DPP6: variants seen among roughly 807,000 people sequenced by gnomAD.
The protein encoded by DPP6 is A-type potassium channel modulatory protein DPP6.
A neutral mutation model predicts 122.6 loss-of-function variants in DPP6; 69 were observed. The ratio of observed to expected loss-of-function variants is 0.56; its 90% CI spans 0.46 to 0.69. The LOEUF (loss-of-function observed/expected upper bound fraction) is 0.69, where lower values mean the gene tolerates loss of function less well. Among genes scored for constraint, DPP6 ranks in the 30% least tolerant of loss-of-function variants. The pLI is 0.00. For synonymous variants in DPP6, 418 were observed against 433.1 expected (o/e 0.97, Z 0.43); for missense variants, 928 against 1,116.9 (o/e 0.83, Z 2.41).
At chr7:154,207,804 A>T (rs1353259289) in intron 1 of DPP6, among the ~76,000 whole-genome samples, 3 of 152,182 alleles carry the variant, frequency 2.0e-5, no homozygotes, top group African/African-American at 7.2e-5. Context: ...AATTTTTTTA[A>T]CGTAGCCGGA....
chr7:153,847,001 A>C, the DPP6 span, among the ~76,000 whole-genome samples: 17 of 152,040 alleles, frequency 1.1e-4, 1 homozygote, highest in Admixed American at 9.8e-4. Flanking sequence ...CTTTTTTAAA[A>C]ATATTTTTTC....
chr7:154,299,654 C>T (rs1209479784), intron 1 of DPP6, among the ~76,000 whole-genome samples: 2 of 152,158 alleles, frequency 1.3e-5, no homozygotes, highest in African/African-American at 4.8e-5. Context: ...TTGCAGATGG[C>T]AAAGACTTAC....
chr7:154,444,446 G>GA (rs201228325), intron 1 of DPP6, among the ~76,000 whole-genome samples: 2 of 151,888 alleles, frequency 1.3e-5, no homozygotes, highest in East Asian at 3.9e-4. Context: ...GCCTGGGCTG[G>GA]AAAAAAATAA....
chr7:154,105,716 C>T (rs1347961010), intron 1 of DPP6, among the ~76,000 whole-genome samples: 3 of 152,082 alleles, frequency 2.0e-5, no homozygotes, highest in Admixed American at 2.0e-4. Context: ...AGGGGAGTTC[C>T]CCTGCACTTG....
intron 1 of DPP6, among the ~76,000 whole-genome samples, chr7:154,061,582 C>T (rs1373717309): frequency 2.7e-5 from 4 of 146,222 alleles, no homozygotes; most frequent in Non-Finnish European, 6.1e-5. Flanking sequence ...GAGATCCATC[C>T]CCTCTTCCCC....
the DPP6 span, among the ~76,000 whole-genome samples, chr7:153,776,468 T>C: frequency 6.6e-6 from 1 of 152,180 alleles, no homozygotes; most frequent in Non-Finnish European, 1.5e-5. Context: ...TCCACCGTGA[T>C]TGTAAGTTTC....
the DPP6 span, among the ~76,000 whole-genome samples, chr7:153,800,708 G>A: frequency 1.3e-5 from 2 of 151,906 alleles, no homozygotes; most frequent in African/African-American, 4.8e-5. Context: ...GTAGAGACGG[G>A]GTTTCGCCAT....
intron 2 of DPP6, among the ~76,000 whole-genome samples, chr7:154,472,187 C>T (rs1209121090): frequency 1.3e-5 from 2 of 152,184 alleles, no homozygotes; most frequent in Non-Finnish European, 2.9e-5. Context: ...GAAAATATTA[C>T]TGACTGTTAA....
chr7:153,748,237 T>C, the DPP6 span, among the ~76,000 whole-genome samples: 1 of 151,966 alleles, frequency 6.6e-6, no homozygotes, highest in Non-Finnish European at 1.5e-5. Flanking sequence ...CTTTCGCCTG[T>C]GCAGTGGTTC....
At chr7:154,588,077 C>T in intron 5 of DPP6, 2 of 1,603,702 alleles carry the variant, frequency 1.2e-6, no homozygotes, top group Non-Finnish European at 1.7e-6. Flanking sequence ...CAGAGAGCAA[C>T]CGAGTGAGCC....
rs1025621160 is a variant in DPP6, at chr7:154,053,171, C to G, written c.243+108C>G. The G allele has an allele frequency of 1.5e-5, 13 of 891,698 alleles. 1 individual carries two copies. Among genetic ancestry groups the G allele is most frequent in the Admixed American group, 6.2e-5 (1 of 16,118 alleles). 55.2% of individuals were successfully genotyped at this position (891,698 alleles called of 1,614,324 possible). ...TTTTGGGGGGGGAATCAGGCGCCCT[C>G]CCCCCGCCCACGACTCTCCGGGCGC... On this transcript the variant is annotated intron_variant, in intron 1 of 25. Coordinates refer to ENST00000377770, the MANE Select transcript of DPP6 (RefSeq NM_130797.4).
intron 1 of DPP6, among the ~76,000 whole-genome samples, chr7:154,225,032 C>T (rs1470857377): frequency 2.0e-5 from 3 of 152,068 alleles, no homozygotes; most frequent in African/African-American, 4.8e-5. Context: ...ATTTCAGCTA[C>T]GCAGGAGGCT....
At chr7:154,645,156 A>G (rs4960665) in intron 6 of DPP6, among the ~76,000 whole-genome samples, 149,602 of 150,474 alleles carry the variant, frequency 0.99, 74,374 homozygotes, top group East Asian at 1. Flanking sequence ...TCCGCCTCCC[A>G]GGTTCACACC....
At chr7:154,883,496 TCAGA>T (rs1227522763) in intron 21 of DPP6, 3 of 118,368 alleles carry the variant, frequency 2.5e-5, no homozygotes, top group East Asian at 5.5e-4. Context: ...TCACACATGC[TCAGA>T]CACATGCTCA....
At chr7:154,351,870 C>T (rs1810886612) in intron 1 of DPP6, among the ~76,000 whole-genome samples, 1 of 152,140 alleles carries the variant, frequency 6.6e-6, no homozygotes, top group Non-Finnish European at 1.5e-5. Flanking sequence ...TGCATGGCAC[C>T]TCTGCTCCCC....
the DPP6 span, among the ~76,000 whole-genome samples, chr7:153,754,518 G>A: frequency 6.6e-6 from 1 of 152,040 alleles, no homozygotes; most frequent in Admixed American, 6.6e-5. Flanking sequence ...ATGTGCCTAG[G>A]CATGATTTTC....
chr7:154,085,311 C>A (rs1354682822), intron 1 of DPP6, among the ~76,000 whole-genome samples: 3 of 152,150 alleles, frequency 2.0e-5, no homozygotes, highest in African/African-American at 4.8e-5. Flanking sequence ...TCCGGACATT[C>A]TGCAGTAATA....
At chr7:153,856,534 C>A in the DPP6 span, among the ~76,000 whole-genome samples, 1 of 152,152 alleles carries the variant, frequency 6.6e-6, no homozygotes, top group African/African-American at 2.4e-5. Context: ...GGGGTATTGG[C>A]TATGATCAAG....
intron 2 of DPP6, among the ~76,000 whole-genome samples, chr7:154,470,850 C>T (rs1822202076): frequency 1.3e-5 from 2 of 152,196 alleles, no homozygotes; most frequent in Non-Finnish European, 2.9e-5. Flanking sequence ...CTTCTTGCAT[C>T]GCCACCTTTA....
Sources: allele counts gnomAD v4.1 joint callset (sites outside exome capture counted in the v4.1 genomes callset), GRCh38; gene constraint gnomAD v4.1.1; transcripts MANE v1.5; gene names NCBI Gene and HGNC (gene_info 2026-07-23, HGNC 2026-07-21).